Variants in KCNK10 observed in about 807,000 individuals in gnomAD.
KCNK10 encodes the protein potassium channel subfamily K member 10.
In KCNK10, 25 loss-of-function variants were observed where a neutral mutation model predicts 47.7. The observed-to-expected ratio is 0.52, with a 90% CI of 0.38 to 0.73. The LOEUF is 0.73. Ranked by LOEUF, KCNK10 falls within the 30% of genes least tolerant of loss-of-function variation. The pLI is 0.00. For synonymous variants in KCNK10, 303 were observed against 285.6 expected, an observed-to-expected ratio of 1.06 and a Z score of -0.61; for missense variants, 563 against 714.5, an observed-to-expected ratio of 0.79 and a Z score of 2.42.
At chr14:88,222,729 A>G (rs1885857285) in intron 4 of KCNK10, among the ~76,000 whole-genome samples, 1 of 152,148 alleles carries the variant, frequency 6.6e-6, no homozygotes, top group Admixed American at 6.5e-5. Flanking sequence ...GATAAATTTT[A>G]AGGGAGTTCC....
At chr14:88,326,447 A>G, upstream of KCNK10, 2 of 1,613,322 alleles carry the variant, frequency 1.2e-6, no homozygotes, top group Non-Finnish European at 8.5e-7. Context: ...CTGTGTAGAG[A>G]AAAAACATCC....
Position 88,305,080 on chromosome 14 carries a change from T to C in KCNK10, c.52+17667A>G, listed in dbSNP as rs1888179177. Among the ~76,000 whole-genome samples, 3 of 152,144 alleles carry C rather than the reference T, an allele frequency of 2.0e-5. No individual in the cohort carries two copies. The South Asian group carries it at 6.2e-4, about 32-fold the overall frequency. On this transcript the variant is annotated intron_variant, in intron 1 of 6. Coordinates refer to ENST00000319231, the MANE Select transcript of KCNK10 (RefSeq NM_138317.3). ...CGGATATGGTGGTGCATGCCTGTAGTCCCAGCTACTCGGTAGGCTGAAGTG... is the reference window on the plus strand; with the variant it reads ...CGGATATGGTGGTGCATGCCTGTAGCCCCAGCTACTCGGTAGGCTGAAGTG...
chr14:88,186,182 T>C lies in KCNK10; in HGVS notation c.1012-27A>G. The C allele has an allele frequency of 6.5e-7, 1 of 1,546,840 alleles. No homozygotes were observed. The highest frequency in any genetic ancestry group is 8.7e-7 in the Non-Finnish European group (1 of 1,146,148). ...TGGCCAAGAGACAGAAGAGCAACAATATGCTGACAAATGCCTCCCTGCCTT... is the reference window on the plus strand; with the variant it reads ...TGGCCAAGAGACAGAAGAGCAACAACATGCTGACAAATGCCTCCCTGCCTT... On this transcript the variant is annotated intron_variant, in intron 6 of 6. Coordinates refer to ENST00000319231, the MANE Select transcript of KCNK10 (RefSeq NM_138317.3). This position sits in a 1 kb window ranked among gnomAD's most constrained non-coding sequence, Gnocchi z 5.5.
intron 2 of KCNK10, among the ~76,000 whole-genome samples, chr14:88,244,430 A>G (rs1420851164): frequency 1.3e-5 from 2 of 152,178 alleles, no homozygotes; most frequent in Non-Finnish European, 2.9e-5. Flanking sequence ...GCACTTTGGG[A>G]GGCCAAGGCA....
At chr14:88,319,102 C>CG (rs1888488656) in intron 1 of KCNK10, among the ~76,000 whole-genome samples, 1 of 152,264 alleles carries the variant, frequency 6.6e-6, no homozygotes, top group African/African-American at 2.4e-5. Flanking sequence ...CAAACAGTAA[C>CG]GCTCTTCATA....
intron 4 of KCNK10, among the ~76,000 whole-genome samples, chr14:88,203,728 G>A (rs1885174740): frequency 6.6e-6 from 1 of 152,184 alleles, no homozygotes; most frequent in African/African-American, 2.4e-5. Context: ...CCCCTTCTGA[G>A]GCAGAAGGAT....
rs1245314434 is a variant in KCNK10, at chr14:88,220,333, C to T, written c.681+7042G>A. Among the ~76,000 whole-genome samples the T allele has an allele frequency of 1.4e-3, 181 of 133,218 alleles. 1 individual carries two copies. The highest frequency in any genetic ancestry group is 5.0e-3 in the African/African-American group (179 of 35,846). 87.4% of individuals were successfully genotyped at this position (133,218 alleles called of 152,430 possible). A position where few individuals can be genotyped will look rare whatever the true frequency, so the allele number is the denominator to read the frequency against. On this transcript the variant is annotated intron_variant, in intron 4 of 6. Coordinates refer to ENST00000319231, the MANE Select transcript of KCNK10 (RefSeq NM_138317.3). ...TTGGGAGGCTGAGGCAGGAGAATGG[C>T]GTGAACCCGGGAGGCGGAGCTTGCA... is the stretch of plus-strand genomic sequence containing the variant.
intron 2 of KCNK10, among the ~76,000 whole-genome samples, chr14:88,242,348 G>C (rs186311867): frequency 3.5e-4 from 53 of 152,226 alleles, no homozygotes; most frequent in African/African-American, 1.3e-3. Context: ...GGCCACATAT[G>C]GTTCTCTGTT....
rs58319931 is a variant in KCNK10 at position 88,279,364 on chromosome 14, CGTGTGTGTGT to C, written c.53-15823_53-15814del. On this transcript the variant is annotated intron_variant, in intron 1 of 6. Coordinates refer to ENST00000319231, the MANE Select transcript of KCNK10 (RefSeq NM_138317.3). ...TTAGTTAAGGGAGAATTGCCAGATA[CGTGTGTGTGT>C]GTGTGTGTGTGTGTGTGTGTGTGTG... is the stretch of plus-strand genomic sequence containing the variant. Among the ~76,000 whole-genome samples the C allele has an allele frequency of 3.8e-3, 530 of 137,666 alleles. 3 individuals carry two copies. The highest frequency in any genetic ancestry group is 0.014 in the East Asian group (66 of 4,632). The allele number at this position is 137,666 out of a possible 152,430, so 90.3% of individuals were successfully genotyped here. A position where few individuals can be genotyped will look rare whatever the true frequency, so the allele number is the denominator to read the frequency against.
chr14:88,198,159 T>C (rs1566681700), intron 4 of KCNK10, among the ~76,000 whole-genome samples: 1 of 152,198 alleles, frequency 6.6e-6, no homozygotes, highest in African/African-American at 2.4e-5. Flanking sequence ...CTTTAAATCT[T>C]TGTCAGTCAG....
At chr14:88,326,345 T>G (rs1180740202), upstream of KCNK10, 1 of 1,330,542 alleles carries the variant, frequency 7.5e-7, no homozygotes, top group Non-Finnish European at 1.1e-6. Context: ...AACTTAGCCC[T>G]TTGGGCTACT....
At position 88,322,620 on chromosome 14, in the gene KCNK10, G is replaced by C. The variant is rs1036848198; in HGVS notation, c.52+127C>G. On this transcript the variant is annotated intron_variant, in intron 1 of 6. Coordinates refer to ENST00000319231, the MANE Select transcript of KCNK10 (RefSeq NM_138317.3). The surrounding 1 kb of genome is among the most constrained non-coding windows in gnomAD (Gnocchi z 4.8). Reference sequence around the variant, plus strand: ...CCGCCCTCCTCCCACCCGCGCTGCAGTTCCCAGGCGCATTTCCCAGCCTCA... The same window carrying C: ...CCGCCCTCCTCCCACCCGCGCTGCACTTCCCAGGCGCATTTCCCAGCCTCA... 3 of 1,322,606 alleles carry C rather than the reference G, an allele frequency of 2.3e-6. No homozygotes were observed. The highest frequency in any genetic ancestry group is 3.2e-6 in the Non-Finnish European group (3 of 931,814). The allele number at this position is 1,322,606 out of a possible 1,614,324, so 81.9% of individuals were successfully genotyped here.
intron 2 of KCNK10, among the ~76,000 whole-genome samples, chr14:88,246,815 A>G (rs1216963397): frequency 6.6e-6 from 1 of 152,236 alleles, no homozygotes; most frequent in African/African-American, 2.4e-5. Context: ...TTCCTCATCT[A>G]TAAAATGAGG....
intron 4 of KCNK10, among the ~76,000 whole-genome samples, chr14:88,220,610 A>AT (rs1479814585): frequency 4.6e-5 from 7 of 151,390 alleles, no homozygotes; most frequent in Admixed American, 1.3e-4. Flanking sequence ...TGGAGAAAAA[A>AT]AAAAAGGTCT....
intron 1 of KCNK10, among the ~76,000 whole-genome samples, chr14:88,278,614 C>T (rs559551858): frequency 6.6e-5 from 10 of 152,108 alleles, no homozygotes; most frequent in Non-Finnish European, 1.5e-4. Context: ...AGAGAAAAAC[C>T]GTTTTCCTAG....
intron 1 of KCNK10, among the ~76,000 whole-genome samples, chr14:88,284,746 G>A (rs1269165012): frequency 1.3e-5 from 2 of 152,092 alleles, no homozygotes; most frequent in Non-Finnish European, 2.9e-5. Flanking sequence ...TTCCTCTCCA[G>A]TCCACTGGCT....
At position 88,182,188 on chromosome 14, in the gene KCNK10, A is replaced by G. The variant is rs941591690; in HGVS notation, c.*3347T>C. On this transcript the variant is annotated 3_prime_UTR_variant, in exon 7 of 7. Coordinates refer to ENST00000319231, the MANE Select transcript of KCNK10 (RefSeq NM_138317.3). ...AAAAATGCCCATTGGCTCTCTCACC[A>G]GTAAACCTCCAGATTTGTCATGCAA... 5.3e-5 allele frequency: 8 copies of G among 152,268 alleles called. No homozygotes were observed. Among genetic ancestry groups the G allele is most frequent in the African/African-American group, 1.9e-4 (8 of 41,414 alleles). 9.4% of individuals were successfully genotyped at this position (152,268 alleles called of 1,614,324 possible).
At chr14:88,193,744 C>T (rs1884823349) in intron 4 of KCNK10, among the ~76,000 whole-genome samples, 1 of 152,112 alleles carries the variant, frequency 6.6e-6, no homozygotes, top group African/African-American at 2.4e-5. Context: ...AAAATGATGC[C>T]ACTAATGAGC....
At chr14:88,193,040 G>A (rs1182717515) in intron 4 of KCNK10, among the ~76,000 whole-genome samples, 1 of 152,132 alleles carries the variant, frequency 6.6e-6, no homozygotes, top group Non-Finnish European at 1.5e-5. Flanking sequence ...ACACACTTTT[G>A]TTTTAAAACA....
Sources: gnomAD v4.1 joint callset for allele counts (sites outside exome capture counted in the v4.1 genomes callset) on GRCh38, gnomAD v4.1.1 for gene constraint, Gnocchi (gnomAD v3.1) non-coding constraint, MANE v1.5 for transcripts, NCBI Gene and HGNC (gene_info 2026-07-23, HGNC 2026-07-21) for gene names.